The following DZANK1 variants were observed in gnomAD, a reference collection of about 807,000 sequenced individuals.
The protein encoded by DZANK1 is double zinc ribbon and ankyrin repeat-containing protein 1.
Under a neutral mutation model 94.5 loss-of-function variants are expected in DZANK1, and 91 were observed. That is an observed-to-expected ratio of 0.96 (90% confidence interval 0.81 to 1.15). DZANK1 has a LOEUF of 1.15. Ranked by LOEUF, DZANK1 falls within the 50% of genes most tolerant of loss-of-function variation. The pLI, the probability that DZANK1 is intolerant of heterozygous loss-of-function variation, is 0.00. For missense variants in DZANK1, 903 were observed against 916.4 expected, an observed-to-expected ratio of 0.99 and a Z score of 0.19; for synonymous variants, 312 against 325.3, an observed-to-expected ratio of 0.96 and a Z score of 0.44.
intron 17 of DZANK1, among the ~76,000 whole-genome samples, chr20:18,392,916 G>A (rs748688017): frequency 6.6e-6 from 1 of 152,218 alleles, no homozygotes; most frequent in East Asian, 1.9e-4. Flanking sequence ...GGTGTTGGGC[G>A]TAGCCTGAAT....
chr20:18,429,498 C>T (rs1024906428), intron 9 of DZANK1, among the ~76,000 whole-genome samples: 2 of 152,192 alleles, frequency 1.3e-5, no homozygotes, highest in Non-Finnish European at 2.9e-5. Context: ...TTCTCGTATA[C>T]CCTGTCCCAC....
chr20:18,407,413 G>C (rs1290611146), intron 13 of DZANK1, among the ~76,000 whole-genome samples: 1 of 152,220 alleles, frequency 6.6e-6, no homozygotes, highest in Non-Finnish European at 1.5e-5. Flanking sequence ...TGGGGTCCAA[G>C]TCCCTTCGAA....
At chr20:18,455,103 GC>G (rs1277649789) in intron 4 of DZANK1, 143 bp downstream of exon 4, 2 of 613,888 alleles carry the variant, frequency 3.3e-6, no homozygotes, top group Non-Finnish European at 5.7e-6. Flanking sequence ...CAGTAAAGAT[GC>G]TTTGCAATGG....
chr20:18,399,238 A>C, intron 13 of DZANK1, among the ~76,000 whole-genome samples: 1 of 151,402 alleles, frequency 6.6e-6, no homozygotes, highest in East Asian at 1.9e-4. Flanking sequence ...ATTTTATTTT[A>C]TTTATTTTGA....
chr20:18,434,957 G>A (rs886088886), intron 8 of DZANK1, among the ~76,000 whole-genome samples: 1 of 152,168 alleles, frequency 6.6e-6, no homozygotes, highest in Admixed American at 6.5e-5. Context: ...TGGAGTTCCA[G>A]GAGGTAATTC....
At chr20:18,460,008 T>A (rs2059419153) in intron 3 of DZANK1, 145 bp downstream of exon 3, 1 of 589,100 alleles carries the variant, frequency 1.7e-6, no homozygotes, top group African/African-American at 1.9e-5. Context: ...AAAACACAAA[T>A]GTTACATACA....
intron 13 of DZANK1, among the ~76,000 whole-genome samples, chr20:18,412,132 A>G (rs115137180): frequency 0.024 from 3,632 of 152,136 alleles, 147 homozygotes; most frequent in African/African-American, 0.083. Flanking sequence ...CACCACCACA[A>G]ATGACTGCTT....
At chr20:18,440,148 C>T (rs2058674558) in intron 8 of DZANK1, among the ~76,000 whole-genome samples, 1 of 152,164 alleles carries the variant, frequency 6.6e-6, no homozygotes, top group Non-Finnish European at 1.5e-5. Context: ...CTGCTGGCGC[C>T]TTGATCTTAA....
chr20:18,453,174 A>C (rs2059164769), intron 5 of DZANK1, among the ~76,000 whole-genome samples: 1 of 152,212 alleles, frequency 6.6e-6, no homozygotes, highest in Non-Finnish European at 1.5e-5. Flanking sequence ...TCTCAGTAAG[A>C]ACGAAACATT....
chr20:18,441,112 A>G lies in DZANK1; in HGVS notation c.747+2235T>C, dbSNP rs2058703233. On this transcript the variant is annotated intron_variant, in intron 8 of 20. Transcript: ENST00000262547. The surrounding 1 kb of genome is among the most constrained non-coding windows in gnomAD (Gnocchi z 4.1). Reference sequence around the variant, plus strand: ...CTCAGGAGAATACATCCTCCACCACAGTTTTTGTAGTCATTGTCACTGTCA... The same window carrying G: ...CTCAGGAGAATACATCCTCCACCACGGTTTTTGTAGTCATTGTCACTGTCA... Among the ~76,000 whole-genome samples, 1 of 152,128 alleles carries G rather than the reference A, an allele frequency of 6.6e-6. No individual in the cohort carries two copies. The highest frequency in any genetic ancestry group is 1.5e-5 in the Non-Finnish European group (1 of 68,032).
At chr20:18,384,428 T>C (rs2048354856) in exon 21 of DZANK1, 2 of 1,611,636 alleles carry the variant, frequency 1.2e-6, no homozygotes, top group South Asian at 2.2e-5. Flanking sequence ...AGGCTCCTAG[T>C]TTGAGCGAGT....
exon 19 of DZANK1, chr20:18,389,760 G>A (rs45591136): frequency 2.5e-6 from 4 of 1,613,950 alleles, no homozygotes; most frequent in Non-Finnish European, 3.4e-6. Flanking sequence ...TCGCTTCATG[G>A]TGCTTATTCA....
At chr20:18,402,053 C>T (rs1215692504) in intron 13 of DZANK1, among the ~76,000 whole-genome samples, 1 of 152,276 alleles carries the variant, frequency 6.6e-6, no homozygotes, top group African/African-American at 2.4e-5. Context: ...CCACTAAGGA[C>T]ATCCAGAGGG....
intron 2 of DZANK1, among the ~76,000 whole-genome samples, chr20:18,460,997 C>T (rs946722706): frequency 6.6e-6 from 1 of 152,172 alleles, no homozygotes; most frequent in African/African-American, 2.4e-5. Flanking sequence ...TGTGATTTGA[C>T]TTCTGCTAGG....
intron 12 of DZANK1, chr20:18,413,226 C>A (rs764213786): frequency 1.7e-5 from 4 of 241,990 alleles, no homozygotes; most frequent in Admixed American, 5.0e-5. Context: ...TGCATCTAAA[C>A]CTGGGGACCT....
chr20:18,463,429 C>T (rs2059540378), intron 2 of DZANK1, among the ~76,000 whole-genome samples: 1 of 152,118 alleles, frequency 6.6e-6, no homozygotes, highest in African/African-American at 2.4e-5. Context: ...ATACCCCAAA[C>T]CTCAGCACCA....
In DZANK1 at chr20:18,427,778, G is replaced by C. The variant is rs536312735; in HGVS notation, c.862-619C>G. Among the ~76,000 whole-genome samples the C allele has an allele frequency of 1.1e-4, 17 of 152,180 alleles. No homozygotes were observed. The South Asian group carries it at 2.9e-3, about 26-fold the overall frequency. On this transcript the variant is annotated intron_variant, in intron 9 of 20. Coordinates refer to ENST00000262547, the Ensembl canonical transcript of DZANK1. ...TTCTTGGACTTGGGTTTACCCTCTG[G>C]GGCTTCATGTTAAATATGAATTTAG...
chr20:18,439,877 G>A (rs982737785), intron 8 of DZANK1, among the ~76,000 whole-genome samples: 9 of 152,126 alleles, frequency 5.9e-5, no homozygotes, highest in Admixed American at 5.9e-4. Flanking sequence ...CTGGGTGTTA[G>A]GGACTAAACT....
At chr20:18,452,485 T>C (rs1569009304) in intron 6 of DZANK1, 130 bp downstream of exon 6, 3 of 1,084,830 alleles carry the variant, frequency 2.8e-6, no homozygotes, top group South Asian at 1.8e-5. Flanking sequence ...TCCAGTACAG[T>C]ATTCCCAGCA....
Sources: allele counts gnomAD v4.1 joint callset (sites outside exome capture counted in the v4.1 genomes callset), GRCh38; gene constraint gnomAD v4.1.1; non-coding constraint Gnocchi (gnomAD v3.1); transcripts MANE v1.5; gene names NCBI Gene and HGNC (gene_info 2026-07-23, HGNC 2026-07-21).